Variants in APLF observed in about 807,000 individuals in gnomAD.
APLF encodes aprataxin and PNKP like factor, also known as aprataxin and PNK-like factor.
Under a neutral mutation model 55.6 loss-of-function variants are expected in APLF, and 61 were observed. The observed-to-expected ratio is 1.10, with a 90% CI of 0.89 to 1.36. The LOEUF is 1.36. Among genes scored for constraint, APLF ranks in the 40% most tolerant of loss-of-function variants. The pLI is 0.00. For synonymous variants in APLF, 207 were observed against 214.8 expected, an observed-to-expected ratio of 0.96 and a Z score of 0.32; for missense variants, 611 against 602.5, an observed-to-expected ratio of 1.01 and a Z score of -0.15.
intron 6 of APLF, among the ~76,000 whole-genome samples, chr2:68,527,880 T>C (rs184762378): frequency 6.8e-6 from 1 of 147,444 alleles, no homozygotes; most frequent in Non-Finnish European, 1.5e-5. Flanking sequence ...GCAGAGGCGC[T>C]TCTCACTTCC....
At chr2:68,545,109 C>A in intron 7 of APLF, 78 bp from the exon 8 acceptor site, 1 of 1,526,384 alleles carries the variant, frequency 6.6e-7, no homozygotes, top group African/African-American at 1.4e-5. Context: ...TGTGGATTGT[C>A]TGGTTTCCTG....
At chr2:68,527,605 G>A (rs1282745135) in intron 6 of APLF, among the ~76,000 whole-genome samples, 18 of 121,058 alleles carry the variant, frequency 1.5e-4, no homozygotes, top group Admixed American at 3.4e-4. Context: ...GGCAGTCCTC[G>A]ATTCGCAGAC....
intron 8 of APLF, among the ~76,000 whole-genome samples, chr2:68,565,525 A>ACATG (rs1671283617): frequency 6.6e-6 from 1 of 151,724 alleles, no homozygotes; most frequent in South Asian, 2.1e-4. Context: ...ATACATACAT[A>ACATG]CATACATACA....
chr2:68,555,663 C>A (rs567357281), intron 8 of APLF, among the ~76,000 whole-genome samples: 2 of 152,048 alleles, frequency 1.3e-5, no homozygotes, highest in African/African-American at 4.8e-5. Flanking sequence ...TACCACCCTG[C>A]GCCTGCAAGA....
chr2:68,471,729 T>C (rs1184273696), intron 1 of APLF, among the ~76,000 whole-genome samples: 1 of 152,230 alleles, frequency 6.6e-6, no homozygotes, highest in African/African-American at 2.4e-5. Flanking sequence ...TTTTTAGATA[T>C]AATCACTGAT....
At chr2:68,525,045 G>T (rs966161110) in intron 5 of APLF, among the ~76,000 whole-genome samples, 1 of 152,194 alleles carries the variant, frequency 6.6e-6, no homozygotes. Flanking sequence ...TGTAATCCCA[G>T]CACTTTGGGA....
intron 1 of APLF, among the ~76,000 whole-genome samples, chr2:68,471,097 G>GCCTA (rs1675604193): frequency 6.6e-6 from 1 of 152,102 alleles, no homozygotes; most frequent in South Asian, 2.1e-4. Flanking sequence ...TACAACCAGT[G>GCCTA]CCTAGCACAC....
intron 1 of APLF, among the ~76,000 whole-genome samples, chr2:68,478,004 TA>T (rs1243744565): frequency 1.3e-3 from 190 of 142,528 alleles, no homozygotes; most frequent in Non-Finnish European, 1.6e-3. Flanking sequence ...TATCACTCTT[TA>T]AAAAAAAAAA....
chr2:68,540,032 A>G (rs558054387), intron 7 of APLF, among the ~76,000 whole-genome samples: 1 of 152,304 alleles, frequency 6.6e-6, no homozygotes, highest in Non-Finnish European at 1.5e-5. Context: ...GTTCTGGAAT[A>G]CATGTGCAGA....
intron 8 of APLF, among the ~76,000 whole-genome samples, chr2:68,557,332 C>T (rs1285578873): frequency 6.6e-6 from 1 of 152,116 alleles, no homozygotes; most frequent in Non-Finnish European, 1.5e-5. Flanking sequence ...AGTAAGGATG[C>T]AATCATTGTA....
chr2:68,467,640 C>T lies in APLF; in HGVS notation c.-92C>T. The T allele has an allele frequency of 1.8e-6, 2 of 1,097,762 alleles. No homozygotes were observed. Among genetic ancestry groups the T allele is most frequent in the East Asian group, 6.4e-5 (2 of 31,052 alleles). 68.0% of individuals were successfully genotyped at this position (1,097,762 alleles called of 1,614,324 possible). A position where few individuals can be genotyped will look rare whatever the true frequency, so the allele number is the denominator to read the frequency against. On this transcript the variant is annotated 5_prime_UTR_variant, in exon 1 of 10. Transcript: ENST00000303795. ...TGAGGCCCTCCCTCGGTGTTTTTTC[C>T]CAGGGCGTGGGCTTGCCCCGCGCGT...
chr2:68,548,336 T>C (rs1670763123), intron 8 of APLF, among the ~76,000 whole-genome samples: 3 of 151,884 alleles, frequency 2.0e-5, no homozygotes, highest in Admixed American at 2.0e-4. Flanking sequence ...AAAAATATAT[T>C]TGCAACCCAC....
At position 68,545,278 on chromosome 2, in the gene APLF, C is replaced by T. The variant is rs144245718; in HGVS notation, c.1252C>T (p.Arg418Trp). 1.2e-4 allele frequency: 194 copies of T among 1,613,714 alleles called. No individual in the cohort carries two copies. Among genetic ancestry groups the T allele is most frequent in the Admixed American group, 7.8e-4 (47 of 59,996 alleles). Reference sequence around the variant, plus strand: ...CGTGGGCCAAGATGAGACTGATGACCGGCCTGAATGTCCCTATGGACCATC... The same window carrying T: ...CGTGGGCCAAGATGAGACTGATGACTGGCCTGAATGTCCCTATGGACCATC... ...QIVGQDETDD[R>W]PECPYGPSCY... The change falls in exon 8 of 10, where the codon CGG becomes TGG. Residue 418 changes from arginine (R) to tryptophan (W), a missense_variant. Transcript: ENST00000303795.
intron 3 of APLF, among the ~76,000 whole-genome samples, chr2:68,509,577 G>A (rs1676980615): frequency 1.3e-5 from 2 of 152,074 alleles, no homozygotes; most frequent in African/African-American, 4.8e-5. Context: ...AACAGGTGCT[G>A]GAGAGGGTGT....
intron 8 of APLF, among the ~76,000 whole-genome samples, chr2:68,562,605 G>A (rs917917508): frequency 6.6e-6 from 1 of 151,988 alleles, no homozygotes; most frequent in Admixed American, 6.6e-5. Context: ...ATTTCCCAGT[G>A]ATTATTAAAG....
chr2:68,517,532 T>C (rs1669653621), intron 5 of APLF, among the ~76,000 whole-genome samples: 1 of 142,170 alleles, frequency 7.0e-6, no homozygotes, highest in African/African-American at 2.5e-5. Context: ...CAATATATGT[T>C]ATTAACATAT....
chr2:68,564,941 C>T (rs906912542), intron 8 of APLF, among the ~76,000 whole-genome samples: 2 of 152,084 alleles, frequency 1.3e-5, no homozygotes, highest in Admixed American at 1.3e-4. Context: ...CCACTAGCCA[C>T]ATGTGGCTGT....
rs989881833 is a variant in APLF at position 68,516,945 on chromosome 2, TATATA to T, written c.622+3276_622+3280del. On this transcript the variant is annotated intron_variant, in intron 5 of 9. Transcript: ENST00000303795. ...ATTATATATAATATATAATATAATA[TATATA>T]ATATAATATATAATAATATAATATA... is the stretch of plus-strand genomic sequence containing the variant. Among the ~76,000 whole-genome samples the T allele has an allele frequency of 7.7e-4, 97 of 126,632 alleles. 1 individual carries two copies. Among genetic ancestry groups the T allele is most frequent in the Non-Finnish European group, 1.3e-3 (80 of 63,518 alleles). The allele number at this position is 126,632 out of a possible 152,430, so 83.1% of individuals were successfully genotyped here. A position where few individuals can be genotyped will look rare whatever the true frequency, so the allele number is the denominator to read the frequency against.
intron 5 of APLF, among the ~76,000 whole-genome samples, chr2:68,518,537 TATA>T (rs556234484): frequency 4.8e-4 from 55 of 115,222 alleles, no homozygotes; most frequent in South Asian, 9.8e-4. Context: ...TATATTAATA[TATA>T]ATAATATATC....
Sources: gnomAD v4.1 joint callset for allele counts (sites outside exome capture counted in the v4.1 genomes callset) on GRCh38, gnomAD v4.1.1 for gene constraint, MANE v1.5 for transcripts, NCBI Gene and HGNC (gene_info 2026-07-23, HGNC 2026-07-21) for gene names.